ZNF83: variants seen among roughly 807,000 people sequenced by gnomAD.
ZNF83 encodes the protein zinc finger protein 83.
For synonymous variants in ZNF83, 209 were observed against 213.0 expected (o/e 0.98, Z 0.17); for missense variants, 552 against 629.9 (o/e 0.88, Z 1.32).
intron 3 of ZNF83, chr19:52,652,522 G>A: frequency 2.2e-6 from 1 of 454,578 alleles, no homozygotes; most frequent in Non-Finnish European, 4.5e-6. Context: ...ATAAGATGAA[G>A]CTTGACTGAA....
chr19:52,683,329 G>A (rs575429879), intron 1 of ZNF83, among the ~76,000 whole-genome samples: 22 of 151,850 alleles, frequency 1.4e-4, no homozygotes, highest in Non-Finnish European at 2.2e-4. Context: ...GAGCATCATC[G>A]CCACTGGCCT....
At chr19:52,661,806 T>C (rs964063013) in intron 1 of ZNF83, among the ~76,000 whole-genome samples, 1 of 152,110 alleles carries the variant, frequency 6.6e-6, no homozygotes, top group African/African-American at 2.4e-5. Context: ...GGGGCTGCAA[T>C]GTCAAATGGG....
chr19:52,612,876 A>T, exon 3 of ZNF83: 1 of 685,306 alleles, frequency 1.5e-6, no homozygotes, highest in Non-Finnish European at 2.4e-6. Context: ...TCTGTCCTCT[A>T]TGGTCTAGCT....
At chr19:52,667,592 T>C (rs1306634113) in intron 1 of ZNF83, among the ~76,000 whole-genome samples, 2 of 152,214 alleles carry the variant, frequency 1.3e-5, no homozygotes, top group Admixed American at 6.5e-5. Flanking sequence ...AAATTTGTTT[T>C]AAAGGTTTAA....
At chr19:52,628,535 C>T (rs1237699890) in intron 2 of ZNF83, among the ~76,000 whole-genome samples, 1 of 152,134 alleles carries the variant, frequency 6.6e-6, no homozygotes, top group Non-Finnish European at 1.5e-5. Context: ...GTAGGGAAGG[C>T]AGCCTTCCCT....
In ZNF83 at chr19:52,681,937, G is replaced by C. The variant is rs562034626; in HGVS notation, c.-283+8506C>G. 2.6e-5 allele frequency among the ~76,000 whole-genome samples: 4 copies of C among 152,206 alleles called. No homozygotes were observed. In the East Asian group the frequency reaches 7.7e-4, roughly 29 times the overall value. ...ATCTCAGCTCACTGCAACCTCGTTT[G>C]CCCAGGTCTAAGCAATTCTCCTGCC... On this transcript the variant is annotated intron_variant, in intron 1 of 5. Transcript: ENST00000594682.
chr19:52,644,179 C>CT (rs35109145), intron 3 of ZNF83, among the ~76,000 whole-genome samples: 245 of 147,468 alleles, frequency 1.7e-3, no homozygotes, highest in African/African-American at 3.1e-3. Context: ...TTCCATTCTT[C>CT]TTTTTTTTTT....
At chr19:52,690,300 T>G (rs2062132914) in intron 1 of ZNF83, 1 of 152,680 alleles carries the variant, frequency 6.5e-6, no homozygotes, top group Non-Finnish European at 1.5e-5. Context: ...AGGAAGCGAC[T>G]TCCAGACTCT....
chr19:52,659,052 C>T (rs975773801), intron 2 of ZNF83, among the ~76,000 whole-genome samples: 6 of 152,226 alleles, frequency 3.9e-5, no homozygotes, highest in East Asian at 3.9e-4. Context: ...TGTCGGTGTA[C>T]GTTTCATTCA....
chr19:52,682,412 C>A (rs953074886), intron 1 of ZNF83, among the ~76,000 whole-genome samples: 1 of 151,942 alleles, frequency 6.6e-6, no homozygotes, highest in Non-Finnish European at 1.5e-5. Flanking sequence ...GTGGCTCATG[C>A]CTGAAATCCC....
At chr19:52,671,908 G>C (rs1014116309) in intron 1 of ZNF83, among the ~76,000 whole-genome samples, 4 of 152,076 alleles carry the variant, frequency 2.6e-5, no homozygotes, top group Non-Finnish European at 5.9e-5. Context: ...AAGTTATTCC[G>C]TTTTACTTGG....
At chr19:52,641,683 T>C (rs919048036), upstream of ZNF83, among the ~76,000 whole-genome samples, 1 of 152,180 alleles carries the variant, frequency 6.6e-6, no homozygotes, top group African/African-American at 2.4e-5. Context: ...GCTAGTTTTT[T>C]TCCTATTCTT....
intron 2 of ZNF83, among the ~76,000 whole-genome samples, chr19:52,628,346 G>A (rs2147140315): frequency 6.6e-6 from 1 of 152,194 alleles, no homozygotes; most frequent in African/African-American, 2.4e-5. Context: ...TCCGGTAAGT[G>A]GCCTCTTTTT....
intron 1 of ZNF83, among the ~76,000 whole-genome samples, chr19:52,683,264 G>T (rs1396121453): frequency 1.1e-5 from 1 of 89,264 alleles, no homozygotes; most frequent in Non-Finnish European, 2.6e-5. Context: ...GTGTGTGTGT[G>T]TGTGTGTGTG....
chr19:52,612,845 A>ATTCAGTACATTAGTAAAGT, exon 3 of ZNF83: 1 of 576,304 alleles, frequency 1.7e-6, no homozygotes, highest in East Asian at 3.0e-5. Context: ...ACCTTGCCAC[A>ATTCAGTACATTAGTAAAGT]TTCAGTACAT....
intron 2 of ZNF83, chr19:52,655,786 G>A (rs1353278770): frequency 1.7e-5 from 10 of 605,616 alleles, no homozygotes; most frequent in East Asian, 2.8e-5. Context: ...GATCCAAGAC[G>A]GTGTTCTGAC....
chr19:52,671,482 C>T (rs2147312389), intron 1 of ZNF83, among the ~76,000 whole-genome samples: 1 of 151,806 alleles, frequency 6.6e-6, no homozygotes, highest in East Asian at 1.9e-4. Flanking sequence ...CTAGTTCTGT[C>T]ACCCCGGCTG....
chr19:52,652,825 G>A (rs555355138), intron 3 of ZNF83: 2 of 931,396 alleles, frequency 2.1e-6, no homozygotes, highest in Admixed American at 1.8e-5. Flanking sequence ...ATTTTCTCCA[G>A]TATGAAGTCT....
At chr19:52,673,095 G>C (rs1177189712) in intron 1 of ZNF83, among the ~76,000 whole-genome samples, 2 of 152,140 alleles carry the variant, frequency 1.3e-5, no homozygotes, top group African/African-American at 4.8e-5. Flanking sequence ...TGTAATCCCA[G>C]CTACTCAGGA....
Sources: allele counts gnomAD v4.1 joint callset (sites outside exome capture counted in the v4.1 genomes callset), GRCh38; gene constraint gnomAD v4.1.1; transcripts MANE v1.5; gene names NCBI Gene and HGNC (gene_info 2026-07-23, HGNC 2026-07-21).